KRT84: variants seen among roughly 807,000 people sequenced by gnomAD.
KRT84 encodes the protein keratin 84.
A neutral mutation model predicts 49.0 loss-of-function variants in KRT84; 38 were observed. That is an observed-to-expected ratio of 0.78 (90% CI 0.60 to 1.02). The LOEUF is 1.02. Ranked by LOEUF, KRT84 falls within the 50% of genes least tolerant of loss-of-function variation. The pLI is 0.00. For missense variants in KRT84, 860 were observed against 788.6 expected (o/e 1.09, Z -1.08); for synonymous variants, 334 against 312.8 (o/e 1.07, Z -0.72).
intron 1 of KRT84, 134 bp downstream of exon 1, chr12:52,384,906 G>C: frequency 1.1e-6 from 1 of 930,772 alleles, no homozygotes; most frequent in Admixed American, 2.3e-5. Context: ...CACAATGCCT[G>C]AGGTAGGCAC....
At chr12:52,380,197 T>A (rs1042749200) in intron 7 of KRT84, among the ~76,000 whole-genome samples, 166 bp downstream of exon 7, 1 of 152,252 alleles carries the variant, frequency 6.6e-6, no homozygotes, top group Middle Eastern at 3.2e-3. Context: ...TCTAGAGCCT[T>A]CTTCTGATTC....
chr12:52,383,475 T>G, intron 2 of KRT84, 115 bp downstream of exon 2: 1 of 672,662 alleles, frequency 1.5e-6, no homozygotes. Context: ...CCAGGCTTGA[T>G]GTGGTAACCA....
chr12:52,383,876 A>G (rs1002566716), intron 1 of KRT84, 78 bp from the exon 2 acceptor site: 12 of 1,185,760 alleles, frequency 1.0e-5, no homozygotes, highest in Non-Finnish European at 1.5e-5. Flanking sequence ...TGAGATGGCC[A>G]GCGATGACTT....
At chr12:52,380,980 G>T in intron 6 of KRT84, 100 bp downstream of exon 6, 2 of 1,477,838 alleles carry the variant, frequency 1.4e-6, no homozygotes, top group Non-Finnish European at 9.2e-7. Context: ...TGGTTTCTGG[G>T]TCTTGATGGT....
chr12:52,383,388 A>T (rs1939516473), intron 2 of KRT84, among the ~76,000 whole-genome samples: 1 of 152,184 alleles, frequency 6.6e-6, no homozygotes, highest in African/African-American at 2.4e-5. Context: ...ACTGAAAAAG[A>T]TACTGAACAT....
chr12:52,383,121 C>T, intron 2 of KRT84, 56 bp from the exon 3 acceptor site: 2 of 1,404,740 alleles, frequency 1.4e-6, no homozygotes, highest in Non-Finnish European at 2.0e-6. Flanking sequence ...GGCAGTTACT[C>T]CCAACTCCCC....
At chr12:52,378,991 A>G (rs1434457406) in intron 8 of KRT84, among the ~76,000 whole-genome samples, 1 of 152,064 alleles carries the variant, frequency 6.6e-6, no homozygotes, top group Non-Finnish European at 1.5e-5. Flanking sequence ...CTGCCCTTTC[A>G]TCTTACCCAG....
intron 5 of KRT84, 64 bp downstream of exon 5, chr12:52,381,297 G>A (rs1939479652): frequency 1.9e-6 from 3 of 1,610,958 alleles, no homozygotes; most frequent in South Asian, 2.2e-5. Context: ...CCCTGGGCCT[G>A]ATCTGTTATA....
At position 52,378,235 on chromosome 12, in the gene KRT84, C is replaced by A. The variant is rs757969389; in HGVS notation, c.1602G>T (p.Leu534=). 3.2e-6 allele frequency: 5 copies of A among 1,565,002 alleles called. No individual in the cohort carries two copies. The highest frequency in any genetic ancestry group is 2.4e-5 in the South Asian group (2 of 84,910). The change falls in exon 9 of 9, where the codon CTG becomes CTT. Residue 534 remains leucine, a synonymous_variant. Coordinates refer to ENST00000257951, the MANE Select transcript of KRT84 (RefSeq NM_033045.4). The part of the protein sequence containing the change: ...SGVLASCGPS[L]GGARVAPATG... ...TGGCCGGGGCGACCCGGGCTCCACC[C>A]AGGCTGGGGCCACAGGAAGCCAGGA...
Position 52,380,552 on chromosome 12 carries a change from G to A in KRT84, c.1235C>T (p.Ala412Val), listed in dbSNP as rs749331980. 3 of 1,613,408 alleles carry A rather than the reference G, an allele frequency of 1.9e-6. No individual in the cohort carries two copies. The highest frequency in any genetic ancestry group is 4.5e-5 in the East Asian group (2 of 44,872). Reference protein sequence around the residue: ...RAKLEAAVAEAEQQGEATLSD... With the variant: ...RAKLEAAVAEVEQQGEATLSD... ...GAGGGTCGCCTCGCCCTGCTGCTCG[G>A]CCTCGGCCACTGCAGCCTCCAACTT... The change falls in exon 7 of 9, where the codon GCC (alanine) becomes GTC (valine). Residue 412 changes from alanine (A) to valine (V), a missense_variant. Coordinates refer to ENST00000257951, the MANE Select transcript of KRT84 (RefSeq NM_033045.4).
At position 52,378,348 on chromosome 12, in the gene KRT84, C is replaced by T. The variant is rs7297413; in HGVS notation, c.1489G>A (p.Gly497Arg). The part of the protein sequence containing the change: ...VSSSRGGLVC[G>R]PEPLVAGSTL... Reference sequence around the variant, plus strand: ...GAGCCGGCAACCAAAGGCTCAGGCCCGCACACCAGGCCGCCCCGGGAGCTG... The same window carrying T: ...GAGCCGGCAACCAAAGGCTCAGGCCTGCACACCAGGCCGCCCCGGGAGCTG... Residue 497 changes from glycine to arginine, a missense_variant, in exon 9 of 9, where the codon GGG becomes AGG. Gly to Arg is a moderately radical substitution (Grantham distance 125). Coordinates refer to ENST00000257951, the MANE Select transcript of KRT84 (RefSeq NM_033045.4). 4.4e-4 allele frequency: 662 copies of T among 1,497,472 alleles called. 2 individuals are homozygous for T. The African/African-American group carries it at 8.3e-3, about 19-fold the overall frequency. 92.8% of individuals were successfully genotyped at this position (1,497,472 alleles called of 1,614,324 possible).
chr12:52,379,766 C>T lies in KRT84; in HGVS notation c.1456+110G>A, dbSNP rs548583005. 988 of 851,604 alleles carry T rather than the reference C, an allele frequency of 1.2e-3. 8 individuals carry two copies. The highest frequency in any genetic ancestry group is 1.6e-3 in the Non-Finnish European group (814 of 502,232). The allele number at this position is 851,604 out of a possible 1,614,324, so 52.8% of individuals were successfully genotyped here. On this transcript the variant is annotated intron_variant, in intron 8 of 8. Coordinates refer to ENST00000257951, the MANE Select transcript of KRT84 (RefSeq NM_033045.4). Reference sequence around the variant, plus strand: ...GGATGGTCCCAGCTCCCCTGACTGTCGTGGCCAGACCGGCCATGTCGGACG... The same window carrying T: ...GGATGGTCCCAGCTCCCCTGACTGTTGTGGCCAGACCGGCCATGTCGGACG...
At chr12:52,386,660 T>G (rs1939577636), upstream of KRT84, among the ~76,000 whole-genome samples, 1 of 152,184 alleles carries the variant, frequency 6.6e-6, no homozygotes, top group African/African-American at 2.4e-5. Context: ...TTTATGGGCC[T>G]GTCCATTTAG....
At chr12:52,383,949 G>A in intron 1 of KRT84, 151 bp from the exon 2 acceptor site, 2 of 663,658 alleles carry the variant, frequency 3.0e-6, no homozygotes, top group South Asian at 3.8e-5. Flanking sequence ...CTCAGCAGAA[G>A]CTGGAAGGGC....
rs1939484553 is a variant in KRT84 at position 52,381,515 on chromosome 12, A to G, written c.923T>C (p.Leu308Ser). Residue 308 changes from leucine to serine, a missense_variant, in exon 5 of 9, where the codon TTG becomes TCG. Transcript: ENST00000257951. ...LKTLYMEEIQLLQSHISETSV... is the reference protein window; with the variant it reads ...LKTLYMEEIQSLQSHISETSV... Reference sequence around the variant, plus strand: ...CGTCTCTGAGATGTGCGACTGCAGCAACTGGATTTCCTGTGTTGGAGGATT... The same window carrying G: ...CGTCTCTGAGATGTGCGACTGCAGCGACTGGATTTCCTGTGTTGGAGGATT... 12 of 1,614,012 alleles carry G rather than the reference A, an allele frequency of 7.4e-6. No individual in the cohort carries two copies. In the Admixed American group the frequency reaches 1.7e-4, roughly 22 times the overall value.
At chr12:52,382,609 G>GCCTCTTTGCACCCATCT in intron 3 of KRT84, 77 bp from the exon 4 acceptor site, 1 of 1,174,904 alleles carries the variant, frequency 8.5e-7, no homozygotes, top group Non-Finnish European at 1.3e-6. Context: ...GGAGATGGGT[G>GCCTCTTTGCACCCATCT]CAAAGAGGCA....
At position 52,378,224 on chromosome 12, in the gene KRT84, C is replaced by T. The variant is rs756709331; in HGVS notation, c.1613G>A (p.Arg538Gln). The stretch of plus-strand genomic sequence containing the variant: ...CAGGTCCCCAGTGGCCGGGGCGACC[C>T]GGGCTCCACCCAGGCTGGGGCCACA... Reference protein sequence around the residue: ...ASCGPSLGGARVAPATGDLLS... With the variant: ...ASCGPSLGGAQVAPATGDLLS... The change falls in exon 9 of 9, where the codon CGG becomes CAG. Residue 538 changes from arginine to glutamine, a missense_variant. Coordinates refer to ENST00000257951, the MANE Select transcript of KRT84 (RefSeq NM_033045.4). 34 of 1,568,010 alleles carry T rather than the reference C, an allele frequency of 2.2e-5. No homozygotes were observed. The highest frequency in any genetic ancestry group is 1.5e-4 in the African/African-American group (11 of 74,046).
In KRT84 at chr12:52,382,495, T is replaced by A. The variant is rs1343736450; in HGVS notation, c.854A>T (p.Glu285Val). Residue 285 changes from glutamate (E) to valine (V), a missense_variant, in exon 4 of 9, where the codon GAG (glutamate) becomes GTG (valine). By Grantham distance (121) the Glu-to-Val change is moderately radical. Coordinates refer to ENST00000257951, the MANE Select transcript of KRT84 (RefSeq NM_033045.4). Reference protein sequence around the residue: ...DAAFMNKSDLEANVDTLTQEI... With the variant: ...DAAFMNKSDLVANVDTLTQEI... ...CTGAGTTAGGGTATCCACGTTGGCC[T>A]CGAGATCAGACTTGTTCATGAAAGC... is the stretch of plus-strand genomic sequence containing the variant. 2 of 1,614,018 alleles carry A rather than the reference T, an allele frequency of 1.2e-6. No homozygotes were observed. Among genetic ancestry groups the A allele is most frequent in the African/African-American group, 2.7e-5 (2 of 74,932 alleles).
upstream of KRT84, among the ~76,000 whole-genome samples, chr12:52,386,053 T>C (rs572867212): frequency 1.3e-5 from 2 of 152,180 alleles, no homozygotes; most frequent in South Asian, 2.1e-4. Context: ...TCCATGAAGA[T>C]ATAACCCCCT....
Sources: allele counts gnomAD v4.1 joint callset (sites outside exome capture counted in the v4.1 genomes callset), GRCh38; gene constraint gnomAD v4.1.1; transcripts MANE v1.5; gene names NCBI Gene and HGNC (gene_info 2026-07-23, HGNC 2026-07-21).